The following ANKH variants were observed in gnomAD, a reference collection of about 807,000 sequenced individuals.
ANKH encodes the protein ANKH inorganic pyrophosphate transport regulator.
A neutral mutation model predicts 49.0 loss-of-function variants in ANKH; 15 were observed. That is an observed-to-expected ratio of 0.31 (90% CI 0.20 to 0.47). The LOEUF (loss-of-function observed/expected upper bound fraction) is 0.47, where lower values mean the gene tolerates loss of function less well. Ranked by LOEUF, ANKH falls within the 20% of genes least tolerant of loss-of-function variation. ANKH has a pLI of 1.00. For missense variants in ANKH, 429 were observed against 652.0 expected (o/e 0.66, Z 3.72); for synonymous variants, 273 against 260.0 (o/e 1.05, Z -0.48).
At chr5:14,854,409 G>A (rs1262926292) in intron 1 of ANKH, among the ~76,000 whole-genome samples, 1 of 152,214 alleles carries the variant, frequency 6.6e-6, no homozygotes, top group Non-Finnish European at 1.5e-5. Context: ...GCCGGGCATG[G>A]TGGCTCACGC....
chr5:14,859,341 A>G (rs940872745), intron 1 of ANKH, among the ~76,000 whole-genome samples: 1 of 152,230 alleles, frequency 6.6e-6, no homozygotes, highest in Non-Finnish European at 1.5e-5. Context: ...TGTAGCATAC[A>G]TCGTAATTCC....
At position 14,745,226 on chromosome 5, in the gene ANKH, T is replaced by TA. The variant is rs33954395; in HGVS notation, c.915+643dup. 0.32 allele frequency among the ~76,000 whole-genome samples: 48,117 copies of TA among 152,018 alleles called. 8,705 individuals are homozygous for TA. Among genetic ancestry groups the TA allele is most frequent in the African/African-American group, 0.5 (20,856 of 41,438 alleles). ...TCACCAGCCATTTGTTTTAGAGTAT[T>TA]AAAAAAAGTCTATAGGTTTAAATGA... On this transcript the variant is annotated intron_variant, in intron 7 of 11. Transcript: ENST00000284268. The surrounding 1 kb of genome is among the most constrained non-coding windows in gnomAD (Gnocchi z 4.7).
intron 3 of ANKH, among the ~76,000 whole-genome samples, chr5:14,757,957 C>G (rs910539942): frequency 6.6e-6 from 1 of 152,166 alleles, no homozygotes; most frequent in Non-Finnish European, 1.5e-5. Context: ...AAAACAAGGA[C>G]TCAGATATTT....
At chr5:14,843,176 T>TC (rs1561080183) in intron 1 of ANKH, among the ~76,000 whole-genome samples, 1 of 56,478 alleles carries the variant, frequency 1.8e-5, no homozygotes, top group African/African-American at 7.0e-5. Flanking sequence ...CAGGGTTCTC[T>TC]TTTTTTTTTT....
chr5:14,714,457 G>A (rs1162416630), intron 9 of ANKH, among the ~76,000 whole-genome samples: 1 of 152,154 alleles, frequency 6.6e-6, no homozygotes, highest in African/African-American at 2.4e-5. Flanking sequence ...TGAAGAGAGG[G>A]CCTGTTAACC....
At position 14,706,179 on chromosome 5, in the gene ANKH, C is replaced by CT. The variant is rs1394407176; in HGVS notation, c.*5017dup. On this transcript the variant is annotated 3_prime_UTR_variant, in exon 12 of 12. Transcript: ENST00000284268. ...TGTCAAGTCTTGTTAGTAAAGTGCACTTTAAGTTATGTAGCCTAACTTAAA... is the reference window on the plus strand; with the variant it reads ...TGTCAAGTCTTGTTAGTAAAGTGCACTTTTAAGTTATGTAGCCTAACTTAAA... 1.3e-5 allele frequency: 2 copies of CT among 152,274 alleles called. No homozygotes were observed. The highest frequency in any genetic ancestry group is 1.9e-4 in the East Asian group (1 of 5,188). 9.4% of individuals were successfully genotyped at this position (152,274 alleles called of 1,614,324 possible). A position where few individuals can be genotyped will look rare whatever the true frequency, so the allele number is the denominator to read the frequency against.
intron 8 of ANKH, among the ~76,000 whole-genome samples, chr5:14,723,287 G>T (rs530932790): frequency 2.6e-5 from 4 of 151,810 alleles, no homozygotes; most frequent in Non-Finnish European, 4.4e-5. Flanking sequence ...TGTGAGTGAG[G>T]GTGAGGAGTC....
At chr5:14,771,384 C>T (rs1739424332) in intron 1 of ANKH, among the ~76,000 whole-genome samples, 1 of 152,152 alleles carries the variant, frequency 6.6e-6, no homozygotes, top group Admixed American at 6.5e-5. Flanking sequence ...AAACATACTC[C>T]AAGAATGCTG....
chr5:14,853,525 T>C (rs4702057), intron 1 of ANKH, among the ~76,000 whole-genome samples: 94,396 of 151,682 alleles, frequency 0.62, 29,808 homozygotes, highest in East Asian at 0.84. Flanking sequence ...CGCAGTGAGC[T>C]GAGATTGTGC....
At chr5:14,797,292 T>C in intron 1 of ANKH, 1 of 1,517,086 alleles carries the variant, frequency 6.6e-7, no homozygotes. Flanking sequence ...GTGACCACCA[T>C]GAATAAACAA....
At chr5:14,804,536 G>T (rs1021431539) in intron 1 of ANKH, among the ~76,000 whole-genome samples, 1 of 152,346 alleles carries the variant, frequency 6.6e-6, no homozygotes, top group Non-Finnish European at 1.5e-5. Context: ...GGGAGAGTCT[G>T]TGTCTACTTT....
rs1223411103 is a variant in ANKH, at chr5:14,802,385, G to A, written c.97-33194C>T. Among the ~76,000 whole-genome samples, 4 of 151,962 alleles carry A rather than the reference G, an allele frequency of 2.6e-5. No individual in the cohort carries two copies. The East Asian group carries it at 5.8e-4, about 22-fold the overall frequency. ...AATTATATCCATCTATCACTTCCCA[G>A]ACCCACCGCCTAGTGCAGACCAGTA... On this transcript the variant is annotated intron_variant, in intron 1 of 11. Coordinates refer to ENST00000284268, the MANE Select transcript of ANKH (RefSeq NM_054027.6).
chr5:14,741,989 T>C (rs1738375168), intron 7 of ANKH, 67 bp from the exon 8 acceptor site: 7 of 1,190,002 alleles, frequency 5.9e-6, no homozygotes, highest in Admixed American at 1.7e-5. Flanking sequence ...CCGGGGGATC[T>C]TGAAGAGCAT....
intron 7 of ANKH, 39 bp from the exon 8 acceptor site, chr5:14,741,961 T>C (rs1293702342): frequency 3.3e-6 from 5 of 1,528,468 alleles, no homozygotes; most frequent in Non-Finnish European, 4.5e-6. Context: ...GGGCCCGGCT[T>C]ATCCTTGGCT....
At position 14,724,596 on chromosome 5, in the gene ANKH, T is replaced by C. The variant is rs554077128; in HGVS notation, c.1012-7761A>G. On this transcript the variant is annotated intron_variant, in intron 8 of 11. Coordinates refer to ENST00000284268, the MANE Select transcript of ANKH (RefSeq NM_054027.6). Reference sequence around the variant, plus strand: ...CGAAACAGAGCTTGGTTTTCTGAGCTAAGAACCACGGAAGGGGGATTTGAA... The same window carrying C: ...CGAAACAGAGCTTGGTTTTCTGAGCCAAGAACCACGGAAGGGGGATTTGAA... 64 of 985,352 alleles carry C rather than the reference T, an allele frequency of 6.5e-5. No individual in the cohort carries two copies. The South Asian group carries it at 2.6e-3, about 41-fold the overall frequency. The allele number at this position is 985,352 out of a possible 1,614,324, so 61.0% of individuals were successfully genotyped here.
Position 14,749,290 on chromosome 5 carries a change from C to T in ANKH, c.704G>A (p.Arg235Lys). ...GPELGGDATIRKMLSFWWPLA... is the reference protein window; with the variant it reads ...GPELGGDATIKKMLSFWWPLA... The stretch of plus-strand genomic sequence containing the variant: ...AGGCCACCAGAAGCTCAGCATCTTT[C>T]TTATTGTTGCATCTCCCTGTGTTAA... The change falls in exon 6 of 12, where the codon AGA becomes AAA. Residue 235 changes from arginine (R) to lysine (K), a missense_variant. Coordinates refer to ENST00000284268, the MANE Select transcript of ANKH (RefSeq NM_054027.6). 1 of 1,614,214 alleles carries T rather than the reference C, an allele frequency of 6.2e-7. No homozygotes were observed. Among genetic ancestry groups the T allele is most frequent in the Non-Finnish European group, 8.5e-7 (1 of 1,180,036 alleles).
At chr5:14,752,986 G>A (rs1738768252) in intron 4 of ANKH, among the ~76,000 whole-genome samples, 1 of 152,174 alleles carries the variant, frequency 6.6e-6, no homozygotes, top group Non-Finnish European at 1.5e-5. Flanking sequence ...TGTTAACATG[G>A]CAGACATGTG....
chr5:14,783,881 T>C (rs934144724), intron 1 of ANKH, among the ~76,000 whole-genome samples: 1 of 152,134 alleles, frequency 6.6e-6, no homozygotes, highest in Non-Finnish European at 1.5e-5. Flanking sequence ...ACTCTGTAAA[T>C]CCAGATTCAC....
At chr5:14,829,247 TA>T (rs1342912993) in intron 1 of ANKH, among the ~76,000 whole-genome samples, 4 of 151,340 alleles carry the variant, frequency 2.6e-5, no homozygotes. Context: ...CAGTTTTTGT[TA>T]ATCTATGACT....
Sources: gnomAD v4.1 joint callset for allele counts (sites outside exome capture counted in the v4.1 genomes callset) on GRCh38, gnomAD v4.1.1 for gene constraint, Gnocchi (gnomAD v3.1) non-coding constraint, MANE v1.5 for transcripts, NCBI Gene and HGNC (gene_info 2026-07-23, HGNC 2026-07-21) for gene names.